INPP5F: variants seen among roughly 807,000 people sequenced by gnomAD.
The protein encoded by INPP5F is inositol polyphosphate-5-phosphatase F.
A neutral mutation model predicts 137.2 loss-of-function variants in INPP5F; 97 were observed. The ratio of observed to expected loss-of-function variants is 0.71; its 90% confidence interval spans 0.60 to 0.84. The LOEUF is 0.84. INPP5F is among the 40% of genes least tolerant of loss of function. INPP5F has a pLI of 0.00. For synonymous variants in INPP5F, 504 were observed against 476.9 expected, an observed-to-expected ratio of 1.06 and a Z score of -0.74; for missense variants, 1,271 against 1,371.9, an observed-to-expected ratio of 0.93 and a Z score of 1.16.
intron 4 of INPP5F, 60 bp downstream of exon 4, chr10:119,791,705 T>G (rs1039462787): frequency 1.9e-5 from 27 of 1,458,728 alleles, no homozygotes; most frequent in East Asian, 9.1e-5. Context: ...AATAGAGAGA[T>G]AATTCTCCAC....
At chr10:119,788,194 A>G (rs536071846) in intron 3 of INPP5F, among the ~76,000 whole-genome samples, 8 of 152,266 alleles carry the variant, frequency 5.3e-5, no homozygotes, top group African/African-American at 1.9e-4. Flanking sequence ...GGTGTTGCGC[A>G]GTTCTAGAGA....
intron 1 of INPP5F, among the ~76,000 whole-genome samples, chr10:119,737,511 A>G (rs898037066): frequency 2.0e-5 from 3 of 152,238 alleles, no homozygotes; most frequent in African/African-American, 4.8e-5. Context: ...AGTATTATAA[A>G]GCTCCTAGAT....
intron 9 of INPP5F, chr10:119,799,323 G>A (rs1380093968): frequency 2.2e-6 from 1 of 446,676 alleles, no homozygotes; most frequent in Admixed American, 2.4e-5. Context: ...CAAAAATGAA[G>A]TAGGAAGAAA....
At chr10:119,785,309 G>T (rs545372348) in intron 3 of INPP5F, among the ~76,000 whole-genome samples, 2 of 85,174 alleles carry the variant, frequency 2.3e-5, no homozygotes, top group Non-Finnish European at 4.7e-5. Context: ...TTTTGGAGAC[G>T]GAGCCTCGCT....
intron 2 of INPP5F, among the ~76,000 whole-genome samples, chr10:119,776,003 A>G (rs1234414997): frequency 1.3e-5 from 2 of 152,166 alleles, no homozygotes; most frequent in Non-Finnish European, 2.9e-5. Flanking sequence ...AATTATACAA[A>G]TTGTTAATCC....
chr10:119,777,284 C>T (rs1038459354), intron 2 of INPP5F, among the ~76,000 whole-genome samples: 14 of 152,186 alleles, frequency 9.2e-5, no homozygotes, highest in African/African-American at 2.9e-4. Context: ...CCAAGTCGGG[C>T]GCATCACAAG....
At position 119,726,283 on chromosome 10, in the gene INPP5F, G is replaced by A. The variant is rs1554881876; in HGVS notation, c.21G>A (p.Lys7=). The change falls in exon 1 of 20, where the codon AAG becomes AAA. Residue 7 remains lysine (K), a synonymous_variant. Coordinates refer to ENST00000650623, the MANE Select transcript of INPP5F (RefSeq NM_014937.4). The part of the protein sequence containing the change: MELFQA[K]DHYILQQGER... ...CCAGCATGGAGCTCTTCCAAGCCAA[G>A]GACCACTACATCCTGCAGCAGGGCG... 6.7e-7 allele frequency: 1 copy of A among 1,491,186 alleles called. No individual in the cohort carries two copies. The highest frequency in any genetic ancestry group is 8.9e-7 in the Non-Finnish European group (1 of 1,120,186). 92.4% of individuals were successfully genotyped at this position (1,491,186 alleles called of 1,614,324 possible).
intron 3 of INPP5F, among the ~76,000 whole-genome samples, chr10:119,789,362 A>G (rs542752292): frequency 6.6e-6 from 1 of 152,322 alleles, no homozygotes; most frequent in East Asian, 1.9e-4. Flanking sequence ...CTAATCACTG[A>G]TATTTTATAT....
At chr10:119,824,531 G>T (rs151248942) in intron 19 of INPP5F, among the ~76,000 whole-genome samples, 2 of 152,298 alleles carry the variant, frequency 1.3e-5, no homozygotes, top group African/African-American at 4.8e-5. Context: ...GAGGGAGGGC[G>T]TGATGGCCTG....
chr10:119,774,357 A>C (rs1446300185), intron 2 of INPP5F, among the ~76,000 whole-genome samples: 2 of 151,850 alleles, frequency 1.3e-5, no homozygotes, highest in Non-Finnish European at 2.9e-5. Context: ...GATACCAACA[A>C]GTTTGAAATG....
At chr10:119,757,569 G>T (rs1389520957) in intron 2 of INPP5F, among the ~76,000 whole-genome samples, 7 of 151,706 alleles carry the variant, frequency 4.6e-5, no homozygotes, top group Non-Finnish European at 2.9e-5. Flanking sequence ...AGGCAGGTAG[G>T]TCACTTGAGG....
At chr10:119,790,248 G>C (rs1850092998) in intron 3 of INPP5F, among the ~76,000 whole-genome samples, 1 of 152,140 alleles carries the variant, frequency 6.6e-6, no homozygotes, top group South Asian at 2.1e-4. Context: ...ATGTCCATAA[G>C]CTTGGTTCTG....
chr10:119,806,297 T>C, intron 11 of INPP5F, 63 bp from the exon 12 acceptor site: 10 of 1,195,020 alleles, frequency 8.4e-6, no homozygotes, highest in Non-Finnish European at 1.0e-5. Flanking sequence ...CTTTAAAGAA[T>C]TGTGTCTTTT....
At chr10:119,751,576 GT>G (rs1227809777) in intron 2 of INPP5F, among the ~76,000 whole-genome samples, 2 of 152,098 alleles carry the variant, frequency 1.3e-5, no homozygotes, top group Non-Finnish European at 2.9e-5. Flanking sequence ...AGCACACAGT[GT>G]GGTCCTGTCA....
intron 6 of INPP5F, among the ~76,000 whole-genome samples, chr10:119,792,567 G>GTT (rs397847812): frequency 0.015 from 1,890 of 124,548 alleles, 56 homozygotes; most frequent in African/African-American, 0.047. Flanking sequence ...AATGGTACCA[G>GTT]TTTTTTTTTT....
chr10:119,741,168 C>G (rs969655135), intron 1 of INPP5F, among the ~76,000 whole-genome samples: 2 of 152,196 alleles, frequency 1.3e-5, no homozygotes, highest in African/African-American at 4.8e-5. Flanking sequence ...TAGCTGAATT[C>G]TGTCCAGCTT....
intron 2 of INPP5F, among the ~76,000 whole-genome samples, chr10:119,752,798 A>G (rs1236339590): frequency 6.6e-6 from 1 of 151,970 alleles, no homozygotes; most frequent in Non-Finnish European, 1.5e-5. Context: ...AAATGATATT[A>G]AGTTGTTTTT....
chr10:119,783,829 G>A (rs768702373), intron 3 of INPP5F, among the ~76,000 whole-genome samples: 8 of 152,058 alleles, frequency 5.3e-5, no homozygotes, highest in African/African-American at 1.4e-4. Context: ...ATAAACTACC[G>A]TACTTCTCAG....
chr10:119,782,513 C>G (rs1181223352), intron 3 of INPP5F, among the ~76,000 whole-genome samples: 1 of 152,048 alleles, frequency 6.6e-6, no homozygotes, highest in Non-Finnish European at 1.5e-5. Context: ...GTCCCCAAGA[C>G]CCCCCTATGA....
Sources: gnomAD v4.1 joint callset for allele counts (sites outside exome capture counted in the v4.1 genomes callset) on GRCh38, gnomAD v4.1.1 for gene constraint, MANE v1.5 for transcripts, NCBI Gene and HGNC (gene_info 2026-07-23, HGNC 2026-07-21) for gene names.